Variants in TCOF1 observed in about 807,000 individuals in gnomAD.
TCOF1 encodes the protein treacle protein.
A neutral mutation model predicts 149.0 loss-of-function variants in TCOF1; 33 were observed. That is an observed-to-expected ratio of 0.22 (90% confidence interval 0.17 to 0.30). The LOEUF is 0.30. TCOF1 is among the 10% of genes least tolerant of loss of function. The probability of loss-of-function intolerance (pLI) is 1.00; values close to 1 mark genes in which losing one functional copy is unlikely to be tolerated. For synonymous variants in TCOF1, 789 were observed against 738.8 expected, an observed-to-expected ratio of 1.07 and a Z score of -1.10; for missense variants, 1,728 against 1,840.7, an observed-to-expected ratio of 0.94 and a Z score of 1.12.
intron 18 of TCOF1, among the ~76,000 whole-genome samples, chr5:150,389,375 A>T (rs1218409830): frequency 6.6e-6 from 1 of 152,190 alleles, no homozygotes; most frequent in African/African-American, 2.4e-5. Flanking sequence ...ACAATTCCTA[A>T]TGGCTACAGA....
Position 150,384,335 on chromosome 5 carries a change from T to C in TCOF1, c.2860-3567T>C, listed in dbSNP as rs1435978815. 5.1e-6 allele frequency: 5 copies of C among 986,044 alleles called. No homozygotes were observed. The African/African-American group carries it at 8.7e-5, about 17-fold the overall frequency. 61.1% of individuals were successfully genotyped at this position (986,044 alleles called of 1,614,324 possible). A position where few individuals can be genotyped will look rare whatever the true frequency, so the allele number is the denominator to read the frequency against. ...AGGGTGGCTCCCTTTGTTGTTTGCA[T>C]TTTAAGGAACTGGGAGTGAGGCTCA... On this transcript the variant is annotated intron_variant, in intron 17 of 26. Transcript: ENST00000643257.
Position 150,392,096 on chromosome 5 carries a change from G to A in TCOF1, c.3437G>A (p.Ser1146Asn), listed in dbSNP as rs1767559014. ...AAAGCCCCTGAGAGCTCAGATGACAGTGAGGACAGCAGCGACAGTTCTTCA... is the reference window on the plus strand; with the variant it reads ...AAAGCCCCTGAGAGCTCAGATGACAATGAGGACAGCAGCGACAGTTCTTCA... ...ATKAPESSDD[S>N]EDSSDSSSGS... The change falls in exon 21 of 27, where the codon AGT (serine) becomes AAT (asparagine). Residue 1146 changes from serine to asparagine, a missense_variant. Ser to Asn is a conservative substitution (Grantham distance 46). Transcript: ENST00000643257. 6 of 1,614,258 alleles carry A rather than the reference G, an allele frequency of 3.7e-6. No homozygotes were observed. The highest frequency in any genetic ancestry group is 5.1e-6 in the Non-Finnish European group (6 of 1,180,056).
chr5:150,371,896 A>C, intron 6 of TCOF1, 110 bp from the exon 7 acceptor site: 1 of 1,019,174 alleles, frequency 9.8e-7, no homozygotes, highest in South Asian at 1.4e-5. Context: ...TTGCTTAAAA[A>C]TCCAGTGACA....
Position 150,372,843 on chromosome 5 carries a change from G to T in TCOF1, c.870+607G>T, listed in dbSNP as rs541382694. 2.3e-4 allele frequency among the ~76,000 whole-genome samples: 35 copies of T among 152,322 alleles called. 1 individual carries two copies. The South Asian group carries it at 6.0e-3, about 26-fold the overall frequency. On this transcript the variant is annotated intron_variant, in intron 7 of 26. Transcript: ENST00000643257. Reference sequence around the variant, plus strand: ...GGCAACTTGAAGCAGAGTGCTCTGGGCTGGCCTTGGGAGAAGGCGTCTCAG... The same window carrying T: ...GGCAACTTGAAGCAGAGTGCTCTGGTCTGGCCTTGGGAGAAGGCGTCTCAG...
Position 150,396,860 on chromosome 5 carries a change from C to T in TCOF1, c.4345+18C>T, listed in dbSNP as rs1319443550. ...CGACAAGAGTGAGTGACCGCTTCTCCCAGCCCACCCCAAGGGCTGCTGGGC... is the reference window on the plus strand; with the variant it reads ...CGACAAGAGTGAGTGACCGCTTCTCTCAGCCCACCCCAAGGGCTGCTGGGC... On this transcript the variant is annotated intron_variant, in intron 24 of 26. Transcript: ENST00000643257. The T allele has an allele frequency of 4.4e-6, 7 of 1,575,402 alleles. No individual in the cohort carries two copies. Among genetic ancestry groups the T allele is most frequent in the Non-Finnish European group, 6.0e-6 (7 of 1,161,296 alleles).
chr5:150,396,178 TAAGAA>T, intron 23 of TCOF1, 99 bp from the exon 24 acceptor site: 1 of 1,321,500 alleles, frequency 7.6e-7, no homozygotes, highest in Non-Finnish European at 1.1e-6. Context: ...TGTGCCATTG[TAAGAA>T]AAGATGGAGT....
rs753254761 is a variant in TCOF1, at chr5:150,374,599, C to T, written c.1084-18C>T. On this transcript the variant is annotated intron_variant, in intron 8 of 26. Transcript: ENST00000643257. Reference sequence around the variant, plus strand: ...ACGTCCATCCTCTGGGCTGTCTCCCCTTGTCTTGTTTCTCCAGGCGAAGGC... The same window carrying T: ...ACGTCCATCCTCTGGGCTGTCTCCCTTTGTCTTGTTTCTCCAGGCGAAGGC... 6.2e-7 allele frequency: 1 copy of T among 1,612,942 alleles called. No individual in the cohort carries two copies. The highest frequency in any genetic ancestry group is 8.5e-7 in the Non-Finnish European group (1 of 1,180,002).
rs1490947530 is a variant in TCOF1 at position 150,392,139 on chromosome 5, T to C, written c.3480T>C (p.Gly1160=). The stretch of plus-strand genomic sequence containing the variant: ...GTTCTTCAGGGAGTGAGGAAGATGG[T>C]GAAGGGCCCCAGGGGGCCAAGTCAG... The part of the protein sequence containing the change: ...SDSSSGSEED[G]EGPQGAKSAH... Residue 1160 remains glycine (G), a synonymous_variant, in exon 21 of 27, where the codon GGT becomes GGC. Transcript: ENST00000643257. The C allele has an allele frequency of 6.2e-7, 1 of 1,614,068 alleles. No homozygotes were observed. The highest frequency in any genetic ancestry group is 2.2e-5 in the East Asian group (1 of 44,882).
At chr5:150,372,428 A>T (rs1288894322) in intron 7 of TCOF1, among the ~76,000 whole-genome samples, 192 bp downstream of exon 7, 2 of 152,220 alleles carry the variant, frequency 1.3e-5, no homozygotes, top group African/African-American at 2.4e-5. Flanking sequence ...ACTTTACCTC[A>T]GTTTCTCTGC....
chr5:150,389,787 C>G lies in TCOF1; in HGVS notation c.3047-100C>G. ...ACCTCTGTAAGCCCTGAGCACAGCT[C>G]TAGATCACCAGCACAGGCCGGTAAA... is the stretch of plus-strand genomic sequence containing the variant. On this transcript the variant is annotated intron_variant, in intron 18 of 26. Transcript: ENST00000643257. 13 of 1,602,508 alleles carry G rather than the reference C, an allele frequency of 8.1e-6. 2 individuals carry two copies. The South Asian group carries it at 1.5e-4, about 18-fold the overall frequency.
intron 7 of TCOF1, 85 bp downstream of exon 7, chr5:150,372,321 T>C: frequency 8.2e-7 from 1 of 1,218,988 alleles, no homozygotes; most frequent in Non-Finnish European, 1.2e-6. Flanking sequence ...CCTCTGCCAC[T>C]GGAGTTGGGG....
At position 150,396,341 on chromosome 5, in the gene TCOF1, G is replaced by T; in HGVS notation, c.3844G>T (p.Ala1282Ser). ...PQKSRKPKKG[A>S]GNPQASTLAL... ...GAAGTCCCGGAAGCCCAAGAAAGGG[G>T]CTGGGAACCCCCAAGCCTCAACCCT... Residue 1282 changes from alanine to serine, a missense_variant, in exon 24 of 27, where the codon GCT (alanine) becomes TCT (serine). By Grantham distance (99) the Ala-to-Ser change is moderately conservative. This residue lies in a region of TCOF1 where 1,696 missense variants were observed against 1,765.4 expected (regional missense o/e 0.96). Transcript: ENST00000643257. 9 of 1,613,936 alleles carry T rather than the reference G, an allele frequency of 5.6e-6. No individual in the cohort carries two copies. The highest frequency in any genetic ancestry group is 6.8e-6 in the Non-Finnish European group (8 of 1,180,056).
At chr5:150,372,429 G>A (rs1221060323) in intron 7 of TCOF1, among the ~76,000 whole-genome samples, 193 bp downstream of exon 7, 2 of 152,242 alleles carry the variant, frequency 1.3e-5, no homozygotes, top group Non-Finnish European at 2.9e-5. Context: ...CTTTACCTCA[G>A]TTTCTCTGCC....
chr5:150,368,410 C>A (rs1761816919), intron 4 of TCOF1: 2 of 441,760 alleles, frequency 4.5e-6, no homozygotes, highest in Admixed American at 3.7e-5. Context: ...CTGCGATTGC[C>A]TGGAGCATTA....
intron 17 of TCOF1, among the ~76,000 whole-genome samples, chr5:150,382,796 G>A (rs1765490684): frequency 6.6e-6 from 1 of 152,246 alleles, no homozygotes; most frequent in South Asian, 2.1e-4. Flanking sequence ...CAACAGCCCT[G>A]CAGCCCTCAG....
intron 2 of TCOF1, among the ~76,000 whole-genome samples, chr5:150,362,502 C>G (rs1760362322): frequency 6.6e-6 from 1 of 152,156 alleles, no homozygotes; most frequent in Admixed American, 6.5e-5. Flanking sequence ...GCCCCGGAGA[C>G]AGAAGTGGGC....
At chr5:150,367,031 T>C (rs1761508295) in intron 3 of TCOF1, among the ~76,000 whole-genome samples, 1 of 151,212 alleles carries the variant, frequency 6.6e-6, no homozygotes, top group Non-Finnish European at 1.5e-5. Context: ...AGAAGCTGGG[T>C]GCGGTGGCTC....
At chr5:150,374,870 G>A (rs1313540189) in intron 9 of TCOF1, 59 bp downstream of exon 9, 5 of 1,609,952 alleles carry the variant, frequency 3.1e-6, no homozygotes, top group Non-Finnish European at 4.2e-6. Flanking sequence ...CACCTGCATG[G>A]GTGTGGCCAC....
chr5:150,392,245 G>C, intron 21 of TCOF1, 69 bp downstream of exon 21: 1 of 1,525,580 alleles, frequency 6.6e-7, no homozygotes, highest in Non-Finnish European at 9.0e-7. Flanking sequence ...TGGAGCCATA[G>C]CTCTGGCCTC....
Sources: allele counts gnomAD v4.1 joint callset (sites outside exome capture counted in the v4.1 genomes callset), GRCh38; gene constraint gnomAD v4.1.1; regional missense constraint gnomAD v4.1.1; transcripts MANE v1.5; gene names NCBI Gene and HGNC (gene_info 2026-07-23, HGNC 2026-07-21).